The following RBMS3 variants were observed in gnomAD, a reference collection of about 807,000 sequenced individuals.
RBMS3 encodes the protein RNA binding motif single stranded interacting protein 3, also known as RNA-binding motif, single-stranded-interacting protein 3.
RBMS3 carries 27 observed loss-of-function variants against 66.8 expected under a neutral mutation model. The observed-to-expected ratio is 0.40, with a 90% CI of 0.30 to 0.56. The LOEUF (loss-of-function observed/expected upper bound fraction) is 0.56, where lower values mean the gene tolerates loss of function less well. Ranked by LOEUF, RBMS3 falls within the 20% of genes least tolerant of loss-of-function variation. The pLI is 0.40. For missense variants in RBMS3, 513 were observed against 549.5 expected, an observed-to-expected ratio of 0.93 and a Z score of 0.66; for synonymous variants, 188 against 183.0, an observed-to-expected ratio of 1.03 and a Z score of -0.22.
chr3:29,989,695 C>A (rs1447661518), intron 13 of RBMS3, among the ~76,000 whole-genome samples: 9 of 152,172 alleles, frequency 5.9e-5, no homozygotes, highest in African/African-American at 2.2e-4. Flanking sequence ...ATGTTTAAAT[C>A]TTTCATGTGT....
intron 1 of RBMS3, among the ~76,000 whole-genome samples, chr3:29,361,322 G>C: frequency 6.6e-6 from 1 of 151,254 alleles, no homozygotes; most frequent in Non-Finnish European, 1.5e-5. Flanking sequence ...AGTTTGGCTG[G>C]ATATGAAATT....
intron 1 of RBMS3, among the ~76,000 whole-genome samples, chr3:29,385,532 TC>T (rs1325747253): frequency 1.3e-5 from 2 of 152,276 alleles, no homozygotes; most frequent in East Asian, 3.9e-4. Context: ...CAGTGGGCCT[TC>T]TTTATTGTAG....
At chr3:29,884,138 C>G (rs757457088) in intron 7 of RBMS3, 24 bp from the exon 8 acceptor site, 1 of 1,601,878 alleles carries the variant, frequency 6.2e-7, no homozygotes, top group Non-Finnish European at 8.5e-7. Flanking sequence ...GATTTGTTTT[C>G]TTCCCTCTTC....
intron 6 of RBMS3, chr3:29,797,611 T>C (rs1000665951): frequency 6.6e-6 from 1 of 152,212 alleles, no homozygotes; most frequent in African/African-American, 2.4e-5. Flanking sequence ...CTATCCCGAC[T>C]TTTGACATGC....
At chr3:29,639,099 T>C (rs954656998) in intron 4 of RBMS3, among the ~76,000 whole-genome samples, 4 of 151,788 alleles carry the variant, frequency 2.6e-5, no homozygotes, top group Non-Finnish European at 4.4e-5. Context: ...TTGTAAGGAA[T>C]AGTTCAATTT....
chr3:29,818,059 C>T (rs995330632), intron 6 of RBMS3, among the ~76,000 whole-genome samples: 1 of 151,928 alleles, frequency 6.6e-6, no homozygotes. Context: ...TTTACATATA[C>T]AAAGATATAT....
chr3:29,691,289 G>T (rs979141975), intron 4 of RBMS3, among the ~76,000 whole-genome samples: 12 of 152,152 alleles, frequency 7.9e-5, no homozygotes, highest in Non-Finnish European at 1.8e-4. Flanking sequence ...GCCACAAAGC[G>T]TCAAGAAGAA....
At chr3:29,727,598 A>G (rs962702099) in intron 4 of RBMS3, among the ~76,000 whole-genome samples, 3 of 152,226 alleles carry the variant, frequency 2.0e-5, no homozygotes, top group Non-Finnish European at 4.4e-5. Context: ...GCCAACAAAT[A>G]TTAAAAAAAG....
At position 29,715,473 on chromosome 3, in the gene RBMS3, G is replaced by A. The variant is rs370687685; in HGVS notation, c.400-24247G>A. On this transcript the variant is annotated intron_variant, in intron 4 of 14. Transcript: ENST00000383767. ...TTTTCATGCTCCCCTCCAAATTTCC[G>A]CCTTCAATTTAAGCCAAGCAGATTA... is the stretch of plus-strand genomic sequence containing the variant. Among the ~76,000 whole-genome samples the A allele has an allele frequency of 3.3e-3, 498 of 151,892 alleles. 3 individuals are homozygous for A. The highest frequency in any genetic ancestry group is 0.01 in the African/African-American group (427 of 41,404).
intron 4 of RBMS3, among the ~76,000 whole-genome samples, chr3:29,690,779 A>G (rs1367598671): frequency 1.3e-5 from 2 of 151,642 alleles, no homozygotes; most frequent in African/African-American, 4.8e-5. Context: ...TCTGTCATAA[A>G]CTCCTACTTT....
At chr3:29,501,392 T>TA (rs990506697) in intron 3 of RBMS3, among the ~76,000 whole-genome samples, 1 of 152,194 alleles carries the variant, frequency 6.6e-6, no homozygotes, top group Non-Finnish European at 1.5e-5. Context: ...GCAGACATTT[T>TA]AAAAAATTCA....
intron 3 of RBMS3, among the ~76,000 whole-genome samples, chr3:29,514,940 C>T (rs926826783): frequency 6.6e-6 from 1 of 151,868 alleles, no homozygotes; most frequent in Admixed American, 6.6e-5. Context: ...AGAGGCCCTT[C>T]GAGGTAGATG....
rs3773056 is a variant in RBMS3, at chr3:29,519,486, A to G, written c.307+30987A>G. 6.7e-3 allele frequency among the ~76,000 whole-genome samples: 1,014 copies of G among 152,308 alleles called. 24 individuals carry two copies. The highest frequency in any genetic ancestry group is 0.055 in the Admixed American group (835 of 15,294). On this transcript the variant is annotated intron_variant, in intron 3 of 14. Transcript: ENST00000383767. ...AGGAGCAAAAAATAGAAAGGTCACA[A>G]ACATTTTGCTTTTGAAAACAGTCTG...
At chr3:29,350,946 T>G (rs1329446853) in intron 1 of RBMS3, among the ~76,000 whole-genome samples, 1 of 152,056 alleles carries the variant, frequency 6.6e-6, no homozygotes, top group Admixed American at 6.6e-5. Context: ...TGTGCCATTT[T>G]CTCCTTCCAA....
intron 1 of RBMS3, among the ~76,000 whole-genome samples, chr3:29,424,474 G>A (rs1261352782): frequency 6.6e-6 from 1 of 152,196 alleles, no homozygotes; most frequent in Non-Finnish European, 1.5e-5. Context: ...TGGTTTGAAT[G>A]GTGAGTACTG....
At chr3:29,891,120 G>A (rs1379810031) in intron 8 of RBMS3, among the ~76,000 whole-genome samples, 3 of 151,512 alleles carry the variant, frequency 2.0e-5, no homozygotes, top group African/African-American at 4.8e-5. Flanking sequence ...GTAGCTAGTA[G>A]GTTAAATTGT....
In RBMS3 at chr3:29,991,268, C is replaced by G. The variant is rs144709531; in HGVS notation, c.1307+59C>G. 3.1e-5 allele frequency: 50 copies of G among 1,609,858 alleles called. No individual in the cohort carries two copies. The African/African-American group carries it at 5.6e-4, about 18-fold the overall frequency. On this transcript the variant is annotated intron_variant, in intron 14 of 14. Transcript: ENST00000383767. Reference sequence around the variant, plus strand: ...AGATCAGCCATCTTGACATCACTCTCTCATGTTGTATGTGTTAGCTTTTGC... The same window carrying G: ...AGATCAGCCATCTTGACATCACTCTGTCATGTTGTATGTGTTAGCTTTTGC...
At chr3:29,420,622 TTG>T (rs1491169770) in intron 1 of RBMS3, among the ~76,000 whole-genome samples, 4 of 148,200 alleles carry the variant, frequency 2.7e-5, no homozygotes, top group African/African-American at 1.0e-4. Flanking sequence ...GGCTTTTCCC[TTG>T]TTTTTTTTTT....
chr3:29,666,757 A>T (rs1049189468), intron 4 of RBMS3, among the ~76,000 whole-genome samples: 1 of 152,186 alleles, frequency 6.6e-6, no homozygotes, highest in African/African-American at 2.4e-5. Context: ...TCTGCCAAAA[A>T]TATTTAATTT....
Sources: gnomAD v4.1 joint callset for allele counts (sites outside exome capture counted in the v4.1 genomes callset) on GRCh38, gnomAD v4.1.1 for gene constraint, MANE v1.5 for transcripts, NCBI Gene and HGNC (gene_info 2026-07-23, HGNC 2026-07-21) for gene names.